Variants in ATRNL1 observed in about 807,000 individuals in gnomAD.
ATRNL1 encodes attractin like 1.
In ATRNL1, 95 loss-of-function variants were observed where a neutral mutation model predicts 182.7. The ratio of observed to expected loss-of-function variants is 0.52; its 90% confidence interval spans 0.44 to 0.62. The LOEUF is 0.62. Ranked by LOEUF, ATRNL1 falls within the 20% of genes least tolerant of loss-of-function variation. The pLI, the probability that ATRNL1 is intolerant of heterozygous loss-of-function variation, is 0.00. For synonymous variants in ATRNL1, 576 were observed against 568.3 expected (o/e 1.01, Z -0.19); for missense variants, 1,471 against 1,679.5 (o/e 0.88, Z 2.17).
chr10:115,694,172 GCACACACA>G (rs71010040), intron 26 of ATRNL1, among the ~76,000 whole-genome samples: 4 of 146,820 alleles, frequency 2.7e-5, no homozygotes, highest in African/African-American at 1.0e-4. Context: ...CTACACAGAC[GCACACACA>G]CACACACACA....
chr10:115,432,740 T>C (rs1372410159), intron 21 of ATRNL1, among the ~76,000 whole-genome samples: 1 of 152,096 alleles, frequency 6.6e-6, no homozygotes, highest in East Asian at 1.9e-4. Context: ...TTATTGGCCC[T>C]TGTAAACATT....
intron 26 of ATRNL1, among the ~76,000 whole-genome samples, chr10:115,666,208 C>G (rs572069826): frequency 3.5e-4 from 53 of 152,180 alleles, no homozygotes; most frequent in African/African-American, 1.3e-3. Flanking sequence ...AAAGAAACTT[C>G]CAGAGTATTT....
intron 27 of ATRNL1, among the ~76,000 whole-genome samples, chr10:115,774,815 T>C (rs868928562): frequency 2.0e-5 from 3 of 152,144 alleles, no homozygotes; most frequent in Admixed American, 2.0e-4. Flanking sequence ...CTAGCACTTA[T>C]AACACTTCTT....
chr10:115,343,877 A>G (rs994083825), intron 19 of ATRNL1, among the ~76,000 whole-genome samples: 1 of 152,196 alleles, frequency 6.6e-6, no homozygotes, highest in Non-Finnish European at 1.5e-5. Flanking sequence ...TTTACTTACA[A>G]ACTCATAGAG....
chr10:115,720,620 T>C (rs1295525710), intron 26 of ATRNL1, among the ~76,000 whole-genome samples: 1 of 152,204 alleles, frequency 6.6e-6, no homozygotes, highest in Non-Finnish European at 1.5e-5. Context: ...AATCAGTATG[T>C]AAGGCTGATA....
intron 26 of ATRNL1, among the ~76,000 whole-genome samples, chr10:115,626,553 A>G (rs1215685109): frequency 6.6e-6 from 1 of 152,188 alleles, no homozygotes; most frequent in African/African-American, 2.4e-5. Context: ...TCCTTGGATA[A>G]TGTTTAATAT....
At chr10:115,805,934 A>C (rs1555085577) in intron 27 of ATRNL1, among the ~76,000 whole-genome samples, 1 of 152,144 alleles carries the variant, frequency 6.6e-6, no homozygotes, top group African/African-American at 2.4e-5. Context: ...TAAATTATCT[A>C]GTGTGATCTA....
rs139952400 is a variant in ATRNL1, at chr10:115,539,867, G to T, written c.3717-9591G>T. Among the ~76,000 whole-genome samples, 386 of 151,296 alleles carry T rather than the reference G, an allele frequency of 2.6e-3. 1 individual carries two copies. The highest frequency in any genetic ancestry group is 8.8e-3 in the African/African-American group (362 of 41,238). On this transcript the variant is annotated intron_variant, in intron 25 of 28. Coordinates refer to ENST00000355044, the MANE Select transcript of ATRNL1 (RefSeq NM_207303.4). Reference sequence around the variant, plus strand: ...GTCTGTCCTCCCAGCTCAAAACATGGTACAATAGGAAAAGTGTGTAGTTTC... The same window carrying T: ...GTCTGTCCTCCCAGCTCAAAACATGTTACAATAGGAAAAGTGTGTAGTTTC...
At chr10:115,214,438 C>G (rs985868471) in intron 8 of ATRNL1, among the ~76,000 whole-genome samples, 1 of 151,820 alleles carries the variant, frequency 6.6e-6, no homozygotes, top group Non-Finnish European at 1.5e-5. Context: ...ATATGAGTTC[C>G]GCAAAGTTTC....
intron 8 of ATRNL1, among the ~76,000 whole-genome samples, chr10:115,185,699 A>AT (rs1360897191): frequency 2.6e-5 from 4 of 151,936 alleles, no homozygotes; most frequent in Non-Finnish European, 5.9e-5. Flanking sequence ...TGGGTATGAA[A>AT]TTTTTTTATG....
At chr10:115,372,316 G>A (rs572383644) in intron 19 of ATRNL1, among the ~76,000 whole-genome samples, 22 of 152,188 alleles carry the variant, frequency 1.4e-4, no homozygotes, top group East Asian at 1.2e-3. Flanking sequence ...TTTCCTAAGC[G>A]TATCTTCACT....
chr10:115,842,669 T>C (rs11197458), intron 27 of ATRNL1, among the ~76,000 whole-genome samples: 8,785 of 103,638 alleles, frequency 0.085, 312 homozygotes, highest in South Asian at 0.14. Flanking sequence ...GTATTCTAAA[T>C]TGATTTTTAC....
chr10:115,439,961 T>C lies in ATRNL1; in HGVS notation c.3322+13659T>C, dbSNP rs367886941. Among the ~76,000 whole-genome samples the C allele has an allele frequency of 2.5e-4, 38 of 152,120 alleles. No homozygotes were observed. In the South Asian group the frequency reaches 7.9e-3, roughly 32 times the overall value. ...ATCATTTGTTTTACATTATTAACTG[T>C]AAGGGAGAGCTGTTCCTTCTCCTTC... On this transcript the variant is annotated intron_variant, in intron 21 of 28. Transcript: ENST00000355044.
At chr10:115,791,419 TCACCACC>T (rs1949529492) in intron 27 of ATRNL1, among the ~76,000 whole-genome samples, 1 of 152,142 alleles carries the variant, frequency 6.6e-6, no homozygotes, top group Non-Finnish European at 1.5e-5. Context: ...ACCTGTCTAA[TCACCACC>T]CAGGTTAAGA....
intron 28 of ATRNL1, among the ~76,000 whole-genome samples, chr10:115,877,788 A>T (rs553064214): frequency 7.3e-4 from 111 of 152,340 alleles, no homozygotes; most frequent in African/African-American, 2.6e-3. Flanking sequence ...GGACTTGGCA[A>T]TATTTTTTTC....
intron 1 of ATRNL1, among the ~76,000 whole-genome samples, chr10:115,094,965 G>A (rs1399881771): frequency 6.6e-6 from 1 of 152,096 alleles, no homozygotes; most frequent in East Asian, 1.9e-4. Context: ...CATCGCTTTG[G>A]CTTGTTTGAA....
chr10:115,595,929 A>T (rs1856210725), intron 26 of ATRNL1, among the ~76,000 whole-genome samples: 1 of 152,100 alleles, frequency 6.6e-6, no homozygotes, highest in Non-Finnish European at 1.5e-5. Flanking sequence ...ACCAGTCCTA[A>T]CTACTTCATC....
At position 115,172,934 on chromosome 10, in the gene ATRNL1, C is replaced by G. The variant is rs182769665; in HGVS notation, c.1348+1642C>G. ...CCCTTAATGACATCTGGAACTTCTG[C>G]CAGTGTAGCTTGGTCTCGCTCCCAG... is the stretch of plus-strand genomic sequence containing the variant. On this transcript the variant is annotated intron_variant, in intron 8 of 28. Transcript: ENST00000355044. 3.3e-5 allele frequency among the ~76,000 whole-genome samples: 5 copies of G among 151,680 alleles called. No individual in the cohort carries two copies. In the Admixed American group the frequency reaches 3.3e-4, roughly 10 times the overall value.
chr10:115,405,445 G>C (rs1218016794), intron 20 of ATRNL1, among the ~76,000 whole-genome samples: 1 of 152,136 alleles, frequency 6.6e-6, no homozygotes, highest in Non-Finnish European at 1.5e-5. Flanking sequence ...AAAATGGTAA[G>C]TGACTGAACA....
Sources: gnomAD v4.1 joint callset for allele counts (sites outside exome capture counted in the v4.1 genomes callset) on GRCh38, gnomAD v4.1.1 for gene constraint, MANE v1.5 for transcripts, NCBI Gene and HGNC (gene_info 2026-07-23, HGNC 2026-07-21) for gene names.